Variants in ZNF26 observed in about 807,000 individuals in gnomAD.
The protein encoded by ZNF26 is zinc finger protein 26.
A neutral mutation model predicts 54.9 loss-of-function variants in ZNF26; 32 were observed. The ratio of observed to expected loss-of-function variants is 0.58; its 90% confidence interval spans 0.44 to 0.78. The LOEUF is 0.78. ZNF26 is among the 30% of genes least tolerant of loss of function. The pLI, the probability that ZNF26 is intolerant of heterozygous loss-of-function variation, is 0.00. For synonymous variants in ZNF26, 221 were observed against 209.2 expected (o/e 1.06, Z -0.49); for missense variants, 524 against 634.0 (o/e 0.83, Z 1.86).
Position 132,997,190 on chromosome 12 carries a change from A to G in ZNF26, c.34-9852A>G, listed in dbSNP as rs1288315958. On this transcript the variant is annotated intron_variant, in intron 1 of 3. Coordinates refer to ENST00000328654, the MANE Select transcript of ZNF26 (RefSeq NM_019591.4). ...TGGAAATCTTAGAGGCCTTCCCAGA[A>G]CAGGGGCTAATCAGAAGCCCACACG... Among the ~76,000 whole-genome samples, 20 of 152,356 alleles carry G rather than the reference A, an allele frequency of 1.3e-4. No homozygotes were observed. The South Asian group carries it at 4.1e-3, about 32-fold the overall frequency.
rs1953681838 is a variant in ZNF26 at position 133,024,844 on chromosome 12, C to T, written c.*13363C>T. 6.6e-6 allele frequency: 1 copy of T among 152,072 alleles called. No homozygotes were observed. Among genetic ancestry groups the T allele is most frequent in the Admixed American group, 6.6e-5 (1 of 15,254 alleles). The allele number at this position is 152,072 out of a possible 1,614,324, so 9.4% of individuals were successfully genotyped here. A position where few individuals can be genotyped will look rare whatever the true frequency, so the allele number is the denominator to read the frequency against. Reference sequence around the variant, plus strand: ...TTATTAAGAGATTTTTGGGGTGTGGCTTTTGTCTAATGGAATGGGTTGTAC... The same window carrying T: ...TTATTAAGAGATTTTTGGGGTGTGGTTTTTGTCTAATGGAATGGGTTGTAC... On this transcript the variant is annotated 3_prime_UTR_variant, in exon 4 of 4. Coordinates refer to ENST00000328654, the MANE Select transcript of ZNF26 (RefSeq NM_019591.4).
Position 133,010,439 on chromosome 12 carries a change from C to T in ZNF26, c.560C>T (p.Ser187Leu). 1.2e-6 allele frequency: 2 copies of T among 1,614,042 alleles called. No individual in the cohort carries two copies. The highest frequency in any genetic ancestry group is 1.7e-6 in the Non-Finnish European group (2 of 1,179,996). Reference sequence around the variant, plus strand: ...TGTGGGAAAGCTTTTCGTTGTAAGTCACAGCTCATTGTACATCTCAGAATT... The same window carrying T: ...TGTGGGAAAGCTTTTCGTTGTAAGTTACAGCTCATTGTACATCTCAGAATT... ...SECGKAFRCK[S>L]QLIVHLRIHT... Residue 187 changes from serine to leucine, a missense_variant, in exon 4 of 4, where the codon TCA becomes TTA. Coordinates refer to ENST00000328654, the MANE Select transcript of ZNF26 (RefSeq NM_019591.4).
In ZNF26 at chr12:133,019,296, G is replaced by C. The variant is rs1427556218; in HGVS notation, c.*7815G>C. On this transcript the variant is annotated 3_prime_UTR_variant, in exon 4 of 4. Coordinates refer to ENST00000328654, the MANE Select transcript of ZNF26 (RefSeq NM_019591.4). ...ATTTGCAAACTATCCATTTGACAAG[G>C]GGTTAATTGCCAGAATATACAGGGA... is the stretch of plus-strand genomic sequence containing the variant. 1 of 151,844 alleles carries C rather than the reference G, an allele frequency of 6.6e-6. No individual in the cohort carries two copies. Among genetic ancestry groups the C allele is most frequent in the Non-Finnish European group, 1.5e-5 (1 of 67,972 alleles). The allele number at this position is 151,844 out of a possible 1,614,324, so 9.4% of individuals were successfully genotyped here.
At position 133,026,158 on chromosome 12, in the gene ZNF26, G is replaced by A. The variant is rs1953702157; in HGVS notation, c.*14677G>A. The A allele has an allele frequency of 2.0e-5, 3 of 151,946 alleles. No individual in the cohort carries two copies. The highest frequency in any genetic ancestry group is 2.1e-4 in the South Asian group (1 of 4,816). 9.4% of individuals were successfully genotyped at this position (151,946 alleles called of 1,614,324 possible). A position where few individuals can be genotyped will look rare whatever the true frequency, so the allele number is the denominator to read the frequency against. ...TCACTCTTTCCCAGGCTGGAGTGCAGTGGCACGATCCTGGCTCACTGCAGC... is the reference window on the plus strand; with the variant it reads ...TCACTCTTTCCCAGGCTGGAGTGCAATGGCACGATCCTGGCTCACTGCAGC... On this transcript the variant is annotated 3_prime_UTR_variant, in exon 4 of 4. Transcript: ENST00000328654.
At chr12:132,995,790 T>G (rs1809371136) in intron 1 of ZNF26, among the ~76,000 whole-genome samples, 1 of 152,134 alleles carries the variant, frequency 6.6e-6, no homozygotes, top group African/African-American at 2.4e-5. Flanking sequence ...TAGCTGGGAT[T>G]ACAGTTGCCC....
chr12:133,009,930 T>A (rs1953432213), intron 3 of ZNF26, among the ~76,000 whole-genome samples: 1 of 152,216 alleles, frequency 6.6e-6, no homozygotes, highest in Admixed American at 6.5e-5. Flanking sequence ...GGTAATTTGC[T>A]ACCAGTTTTC....
In ZNF26 at chr12:132,986,866, C is replaced by T; in HGVS notation, c.26C>T (p.Ser9Leu). Reference sequence around the variant, plus strand: ...ATGGCCACCAGTTTCCGGACAGCTTCGTGCTGGGTAAGTAGAGACTTTCCG... The same window carrying T: ...ATGGCCACCAGTTTCCGGACAGCTTTGTGCTGGGTAAGTAGAGACTTTCCG... MATSFRTASCWGLLSFKDI... is the reference protein window; with the variant it reads MATSFRTALCWGLLSFKDI... Residue 9 changes from serine to leucine, a missense_variant, in exon 1 of 4, where the codon TCG becomes TTG. Coordinates refer to ENST00000328654, the MANE Select transcript of ZNF26 (RefSeq NM_019591.4). 2 of 1,607,506 alleles carry T rather than the reference C, an allele frequency of 1.2e-6. No individual in the cohort carries two copies. The highest frequency in any genetic ancestry group is 1.7e-6 in the Non-Finnish European group (2 of 1,177,094).
At chr12:132,987,074 C>T (rs1227040075) in intron 1 of ZNF26, among the ~76,000 whole-genome samples, 1 of 152,174 alleles carries the variant, frequency 6.6e-6, no homozygotes, top group Admixed American at 6.5e-5. Flanking sequence ...CTGTGGTATT[C>T]TGTGACGGGC....
At chr12:133,000,418 ATTTTTTTTTTT>A (rs139011460) in intron 1 of ZNF26, among the ~76,000 whole-genome samples, 1 of 60,954 alleles carries the variant, frequency 1.6e-5, no homozygotes, top group Non-Finnish European at 3.1e-5. Context: ...TACCTGGCTA[ATTTTTTTTTTT>A]TTTTTTTTTT....
At position 133,017,354 on chromosome 12, in the gene ZNF26, C is replaced by G. The variant is rs1490778677; in HGVS notation, c.*5873C>G. 1 of 152,186 alleles carries G rather than the reference C, an allele frequency of 6.6e-6. No homozygotes were observed. Among genetic ancestry groups the G allele is most frequent in the Non-Finnish European group, 1.5e-5 (1 of 68,066 alleles). The allele number at this position is 152,186 out of a possible 1,614,324, so 9.4% of individuals were successfully genotyped here. On this transcript the variant is annotated 3_prime_UTR_variant, in exon 4 of 4. Coordinates refer to ENST00000328654, the MANE Select transcript of ZNF26 (RefSeq NM_019591.4). The stretch of plus-strand genomic sequence containing the variant: ...TGCTTACCCCACCACCTAGAAGCGG[C>G]TGGTGTGACAGAGCATTGGATGACC...
chr12:133,011,435 T>C lies in ZNF26; in HGVS notation c.1556T>C (p.Phe519Ser). 6.3e-7 allele frequency: 1 copy of C among 1,586,468 alleles called. No individual in the cohort carries two copies. The highest frequency in any genetic ancestry group is 8.6e-7 in the Non-Finnish European group (1 of 1,168,798). The change falls in exon 4 of 4, where the codon TTC becomes TCC. Residue 519 changes from phenylalanine (F) to serine (S), a missense_variant. Transcript: ENST00000328654. ...AAATGCTCTGAATGTGGGAAATCCT[T>C]CTGTTGGAATTCAGGGCTTCGTATA... ...PWKCSECGKS[F>S]CWNSGLRIHR...
rs892927190 is a variant in ZNF26 at position 132,993,644 on chromosome 12, C to T, written c.33+6771C>T. Among the ~76,000 whole-genome samples the T allele has an allele frequency of 6.6e-5, 10 of 151,670 alleles. No individual in the cohort carries two copies. In the South Asian group the frequency reaches 1.0e-3, roughly 16 times the overall value. Reference sequence around the variant, plus strand: ...CTGATTTTTGTATTTTTAGTAGAGACGGGGTTTCACCATACTGGCCAGGCT... The same window carrying T: ...CTGATTTTTGTATTTTTAGTAGAGATGGGGTTTCACCATACTGGCCAGGCT... On this transcript the variant is annotated intron_variant, in intron 1 of 3. Transcript: ENST00000328654.
chr12:132,992,749 A>G (rs1369152636), intron 1 of ZNF26, among the ~76,000 whole-genome samples: 2 of 152,202 alleles, frequency 1.3e-5, no homozygotes, highest in Non-Finnish European at 2.9e-5. Context: ...GAAAAATACT[A>G]AGTCAAACCA....
chr12:132,999,692 G>GA (rs1289603353), intron 1 of ZNF26, among the ~76,000 whole-genome samples: 3 of 151,106 alleles, frequency 2.0e-5, no homozygotes, highest in South Asian at 4.2e-4. Flanking sequence ...TGAAAGTGTT[G>GA]AAAAAAAAAT....
chr12:133,016,407 C>CTTTTTTTTTTTT lies in ZNF26; in HGVS notation c.*4932_*4943dup, dbSNP rs146150128. The CTTTTTTTTTTTT allele has an allele frequency of 7.2e-6, 1 of 138,800 alleles. No individual in the cohort carries two copies. Among genetic ancestry groups the CTTTTTTTTTTTT allele is most frequent in the Non-Finnish European group, 1.5e-5 (1 of 65,208 alleles). The allele number at this position is 138,800 out of a possible 1,614,324, so 8.6% of individuals were successfully genotyped here. ...TTAATTTTTAAAAACAATTTAGCTA[C>CTTTTTTTTTTTT]TTTTTTTTTTTTTTTTTAACTATTT... On this transcript the variant is annotated 3_prime_UTR_variant, in exon 4 of 4. Coordinates refer to ENST00000328654, the MANE Select transcript of ZNF26 (RefSeq NM_019591.4).
chr12:133,005,694 T>C (rs1315752498), intron 1 of ZNF26: 7 of 152,138 alleles, frequency 4.6e-5, no homozygotes, highest in Admixed American at 3.9e-4. Context: ...ATGATGGGAT[T>C]AGTAGCCTTA....
rs1953648872 is a variant in ZNF26, at chr12:133,021,944, TGTG to T, written c.*10467_*10469del. ...ATCAAATCATTAAAAAGAGGCCAGG[TGTG>T]GTGACTCACGCCTGTAATCCCAGCA... On this transcript the variant is annotated 3_prime_UTR_variant, in exon 4 of 4. Transcript: ENST00000328654. 4 of 152,126 alleles carry T rather than the reference TGTG, an allele frequency of 2.6e-5. No individual in the cohort carries two copies. The highest frequency in any genetic ancestry group is 2.1e-4 in the South Asian group (1 of 4,816). The allele number at this position is 152,126 out of a possible 1,614,324, so 9.4% of individuals were successfully genotyped here.
rs1359392880 is a variant in ZNF26 at position 133,025,990 on chromosome 12, C to T, written c.*14509C>T. The T allele has an allele frequency of 6.6e-6, 1 of 152,372 alleles. No individual in the cohort carries two copies. Among genetic ancestry groups the T allele is most frequent in the African/African-American group, 2.4e-5 (1 of 41,438 alleles). 9.4% of individuals were successfully genotyped at this position (152,372 alleles called of 1,614,324 possible). On this transcript the variant is annotated 3_prime_UTR_variant, in exon 4 of 4. Transcript: ENST00000328654. Reference sequence around the variant, plus strand: ...AGACTACATCAAGAGTGAGAGATGCCTAAAACACCCCCAGGCATTCCAGCC... The same window carrying T: ...AGACTACATCAAGAGTGAGAGATGCTTAAAACACCCCCAGGCATTCCAGCC...
Position 133,016,606 on chromosome 12 carries a change from A to G in ZNF26, c.*5125A>G. 1 of 151,160 alleles carries G rather than the reference A, an allele frequency of 6.6e-6. No homozygotes were observed. The allele number at this position is 151,160 out of a possible 1,614,324, so 9.4% of individuals were successfully genotyped here. ...TTGAGACCAGTCTGGACAACAAAGC[A>G]AAACCCCATCTCTGAAAAAAAAAAA... On this transcript the variant is annotated 3_prime_UTR_variant, in exon 4 of 4. Transcript: ENST00000328654.
Sources: allele counts gnomAD v4.1 joint callset (sites outside exome capture counted in the v4.1 genomes callset), GRCh38; gene constraint gnomAD v4.1.1; transcripts MANE v1.5; gene names NCBI Gene and HGNC (gene_info 2026-07-23, HGNC 2026-07-21).